KAZN: variants seen among roughly 807,000 people sequenced by gnomAD.
KAZN encodes kazrin, periplakin interacting protein, also known as kazrin.
Under a neutral mutation model 87.4 loss-of-function variants are expected in KAZN, and 40 were observed. That is an observed-to-expected ratio of 0.46 (90% CI 0.36 to 0.60). KAZN has a LOEUF of 0.60. KAZN is among the 20% of genes least tolerant of loss of function. KAZN has a pLI of 0.00. For synonymous variants in KAZN, 466 were observed against 458.3 expected, an observed-to-expected ratio of 1.02 and a Z score of -0.22; for missense variants, 898 against 1,073.9, an observed-to-expected ratio of 0.84 and a Z score of 2.29.
intron 2 of KAZN, among the ~76,000 whole-genome samples, chr1:14,489,754 T>G: frequency 6.7e-6 from 1 of 148,714 alleles, no homozygotes; most frequent in Middle Eastern, 3.6e-3. Flanking sequence ...ATAATAATAA[T>G]AATAATAATA....
At chr1:14,756,236 T>G (rs2100519665) in intron 1 of KAZN, among the ~76,000 whole-genome samples, 1 of 152,352 alleles carries the variant, frequency 6.6e-6, no homozygotes, top group East Asian at 1.9e-4. Flanking sequence ...CAGAGCCCAC[T>G]GGAGGCTCTT....
intron 1 of KAZN, among the ~76,000 whole-genome samples, chr1:14,731,535 G>T (rs1244376012): frequency 6.6e-6 from 1 of 152,164 alleles, no homozygotes; most frequent in Non-Finnish European, 1.5e-5. Flanking sequence ...TTGCTTCTGG[G>T]TCGGCACTGA....
At chr1:14,321,341 T>G (rs761694096) in intron 2 of KAZN, among the ~76,000 whole-genome samples, 7 of 152,178 alleles carry the variant, frequency 4.6e-5, no homozygotes, top group Non-Finnish European at 1.0e-4. Context: ...AAAAGGAGAT[T>G]GTTATCTGTG....
intron 1 of KAZN, among the ~76,000 whole-genome samples, chr1:14,712,310 G>A (rs1286978902): frequency 6.6e-6 from 1 of 152,180 alleles, no homozygotes; most frequent in Non-Finnish European, 1.5e-5. Flanking sequence ...GCCTGGTCCA[G>A]GGTGCTGGCA....
rs1007649447 is a variant in KAZN at position 14,996,154 on chromosome 1, C to CA, written c.418+35280dup. On this transcript the variant is annotated intron_variant, in intron 2 of 14. Transcript: ENST00000376030. This position sits in a 1 kb window ranked among gnomAD's most constrained non-coding sequence, Gnocchi z 5.9. ...CAGGCTATTTTCTCACCGCAGAACT[C>CA]ACTGGGCCTTCTGGGTCTTGGCTCT... Among the ~76,000 whole-genome samples, 7 of 152,280 alleles carry CA rather than the reference C, an allele frequency of 4.6e-5. No individual in the cohort carries two copies. The highest frequency in any genetic ancestry group is 1.7e-4 in the African/African-American group (7 of 41,546).
chr1:14,997,204 CATTTA>C lies in KAZN; in HGVS notation c.418+36330_418+36334del, dbSNP rs1170045897. On this transcript the variant is annotated intron_variant, in intron 2 of 14. Transcript: ENST00000376030. Reference sequence around the variant, plus strand: ...TCTGTTTTCTTTTCTTTCTTTCTTTCATTTATTTATTTATTTATTTATTTATTTAT... The same window carrying C: ...TCTGTTTTCTTTTCTTTCTTTCTTTCTTTATTTATTTATTTATTTATTTAT... 1.4e-3 allele frequency among the ~76,000 whole-genome samples: 173 copies of C among 120,876 alleles called. 1 individual carries two copies. Among genetic ancestry groups the C allele is most frequent in the African/African-American group, 5.0e-3 (161 of 32,330 alleles). The allele number at this position is 120,876 out of a possible 152,430, so 79.3% of individuals were successfully genotyped here.
chr1:14,001,363 CAAATA>C (rs919054176), intron 1 of KAZN, among the ~76,000 whole-genome samples: 9 of 151,956 alleles, frequency 5.9e-5, no homozygotes, highest in Non-Finnish European at 1.3e-4. Context: ...AGGACACAAA[CAAATA>C]AAAAAACATT....
chr1:14,941,747 C>T (rs912198031), intron 1 of KAZN, among the ~76,000 whole-genome samples: 3 of 152,300 alleles, frequency 2.0e-5, no homozygotes, highest in South Asian at 2.1e-4. Flanking sequence ...AAGCTGAAAA[C>T]GCTTTGGTTC....
chr1:14,918,675 CAAAAAAAAAAAAAAAAAAAA>C (rs1158537283), intron 1 of KAZN, among the ~76,000 whole-genome samples: 4 of 37,078 alleles, frequency 1.1e-4, no homozygotes, highest in African/African-American at 3.6e-4. Flanking sequence ...GACTCCATCT[CAAAAAAAAAAAAAAAAAAAA>C]AAAAAAAAAA....
At chr1:13,916,516 G>A (rs1639858281) in intron 1 of KAZN, among the ~76,000 whole-genome samples, 1 of 152,254 alleles carries the variant, frequency 6.6e-6, no homozygotes, top group Non-Finnish European at 1.5e-5. Context: ...ATCCCTACGT[G>A]CCAGGTGCTA....
chr1:14,827,517 C>G (rs705578), intron 1 of KAZN, among the ~76,000 whole-genome samples: 72,534 of 152,000 alleles, frequency 0.48, 18,480 homozygotes, highest in Admixed American at 0.59. Context: ...GTTTGCTTTT[C>G]CATTAGGGGC....
At chr1:13,984,377 G>A (rs1338610378) in intron 1 of KAZN, among the ~76,000 whole-genome samples, 1 of 152,202 alleles carries the variant, frequency 6.6e-6, no homozygotes, top group Non-Finnish European at 1.5e-5. Context: ...TTCTTTACTG[G>A]AATTGCCAAC....
intron 14 of KAZN, 49 bp downstream of exon 14, chr1:15,112,590 G>GTCTTTTTTTTCTTCTCCCAGCGGCAGA: frequency 7.9e-7 from 1 of 1,264,850 alleles, no homozygotes; most frequent in Non-Finnish European, 1.1e-6. Flanking sequence ...CCCGGGAAAG[G>GTCTTTTTTTTCTTCTCCCAGCGGCAGA]TCTTTTTTTC....
At chr1:14,146,042 C>A (rs867342100) in intron 1 of KAZN, among the ~76,000 whole-genome samples, 1 of 152,052 alleles carries the variant, frequency 6.6e-6, no homozygotes, top group African/African-American at 2.4e-5. Flanking sequence ...TGTTTGGAGA[C>A]CTTGTTCTGA....
intron 2 of KAZN, among the ~76,000 whole-genome samples, chr1:14,223,806 T>C (rs911152082): frequency 2.0e-5 from 3 of 152,208 alleles, no homozygotes; most frequent in African/African-American, 7.2e-5. Flanking sequence ...TCTGGCTTGA[T>C]TTGTCCACCC....
intron 1 of KAZN, among the ~76,000 whole-genome samples, chr1:13,914,976 T>A (rs12029175): frequency 0.036 from 5,466 of 152,180 alleles, 393 homozygotes; most frequent in East Asian, 0.33. Context: ...AATTATACTG[T>A]GCCTGGATCC....
rs568147301 is a variant in KAZN, at chr1:14,413,192, T to G, written c.250-185791T>G. Reference sequence around the variant, plus strand: ...AGATAGAGGTGACATCATAAATTAGTGAGAAAAAGATGGACTGACAATAAG... The same window carrying G: ...AGATAGAGGTGACATCATAAATTAGGGAGAAAAAGATGGACTGACAATAAG... On this transcript the variant is annotated intron_variant, in intron 2 of 16. Transcript: ENST00000636203. 8.5e-4 allele frequency among the ~76,000 whole-genome samples: 128 copies of G among 151,474 alleles called. 2 individuals are homozygous for G. Among genetic ancestry groups the G allele is most frequent in the South Asian group, 7.5e-3 (36 of 4,794 alleles).
intron 1 of KAZN, among the ~76,000 whole-genome samples, chr1:14,049,884 C>G (rs889081183): frequency 6.6e-6 from 1 of 152,228 alleles, no homozygotes; most frequent in African/African-American, 2.4e-5. Flanking sequence ...ACAGCTGTGA[C>G]AGTGTCACCC....
At chr1:15,060,151 C>G in intron 5 of KAZN, 21 bp from the exon 6 acceptor site, 8 of 1,613,880 alleles carry the variant, frequency 5.0e-6, no homozygotes, top group Non-Finnish European at 6.8e-6. Flanking sequence ...CCCTCACTCA[C>G]CAGCTGTCCC....
Sources: allele counts gnomAD v4.1 joint callset (sites outside exome capture counted in the v4.1 genomes callset), GRCh38; gene constraint gnomAD v4.1.1; non-coding constraint Gnocchi (gnomAD v3.1); transcripts MANE v1.5; gene names NCBI Gene and HGNC (gene_info 2026-07-23, HGNC 2026-07-21).